The following FBXL17 variants were observed in gnomAD, a reference collection of about 807,000 sequenced individuals.
FBXL17 encodes F-box and leucine rich repeat protein 17, also known as F-box/LRR-repeat protein 17.
Under a neutral mutation model 66.2 loss-of-function variants are expected in FBXL17, and 22 were observed. The ratio of observed to expected loss-of-function variants is 0.33; its 90% CI spans 0.24 to 0.47. The LOEUF (loss-of-function observed/expected upper bound fraction) is 0.47, where lower values mean the gene tolerates loss of function less well. Among genes scored for constraint, FBXL17 ranks in the 20% least tolerant of loss-of-function variants. The pLI is 1.00. For synonymous variants in FBXL17, 474 were observed against 400.5 expected, an observed-to-expected ratio of 1.18 and a Z score of -2.19; for missense variants, 878 against 948.2, an observed-to-expected ratio of 0.93 and a Z score of 0.97.
intron 7 of FBXL17, among the ~76,000 whole-genome samples, chr5:107,922,786 C>T (rs1750368543): frequency 1.3e-5 from 2 of 152,128 alleles, no homozygotes; most frequent in African/African-American, 4.8e-5. Flanking sequence ...TCTCAATTAC[C>T]CAAAAGGCAC....
At chr5:108,302,259 A>T in intron 4 of FBXL17, among the ~76,000 whole-genome samples, 1 of 151,858 alleles carries the variant, frequency 6.6e-6, no homozygotes, top group East Asian at 1.9e-4. Context: ...AAATACTTCC[A>T]TGAATACACC....
At chr5:107,882,619 G>A (rs187165644) in intron 7 of FBXL17, among the ~76,000 whole-genome samples, 1 of 152,226 alleles carries the variant, frequency 6.6e-6, no homozygotes, top group Admixed American at 6.5e-5. Context: ...TGCAGAAATG[G>A]TCTGAATACT....
chr5:107,893,894 G>A (rs997531441), intron 7 of FBXL17, among the ~76,000 whole-genome samples: 1 of 152,138 alleles, frequency 6.6e-6, no homozygotes, highest in East Asian at 1.9e-4. Context: ...CCTCTGTGCC[G>A]AGTAATTAAC....
chr5:108,081,616 G>A lies in FBXL17; in HGVS notation c.1746-60615C>T, dbSNP rs141778347. ...CAGGCGTCTGTAGTCCCAGCTACTC[G>A]GGAGGCTGAGGCAGGAGAATGGCGT... On this transcript the variant is annotated intron_variant, in intron 6 of 8. Transcript: ENST00000542267. Among the ~76,000 whole-genome samples, 382 of 152,156 alleles carry A rather than the reference G, an allele frequency of 2.5e-3. 18 individuals are homozygous for A. In the East Asian group the frequency reaches 0.065, roughly 26 times the overall value.
chr5:108,075,507 G>C (rs902643829), intron 6 of FBXL17, among the ~76,000 whole-genome samples: 1 of 152,016 alleles, frequency 6.6e-6, no homozygotes, highest in South Asian at 2.1e-4. Context: ...ATGGAGTTTC[G>C]CTCTTGTTGC....
chr5:108,033,992 T>G (rs1660347138), intron 6 of FBXL17, among the ~76,000 whole-genome samples: 1 of 152,198 alleles, frequency 6.6e-6, no homozygotes, highest in Admixed American at 6.5e-5. Flanking sequence ...ATATGTGTCA[T>G]ATAATTAATG....
intron 7 of FBXL17, among the ~76,000 whole-genome samples, chr5:107,957,615 T>C (rs894798360): frequency 3.9e-5 from 6 of 152,136 alleles, no homozygotes; most frequent in Non-Finnish European, 8.8e-5. Context: ...CATACTATTT[T>C]TCCAACTAAA....
At position 107,871,091 on chromosome 5, in the gene FBXL17, AAT is replaced by A. The variant is rs541801625; in HGVS notation, c.1966-9233_1966-9232del. On this transcript the variant is annotated intron_variant, in intron 8 of 8. Transcript: ENST00000542267. Reference sequence around the variant, plus strand: ...AAAAAAAAAAAAAACCTCATCTAAAAATCTCAAAGTATACAGTAAGACAGATA... The same window carrying A: ...AAAAAAAAAAAAAACCTCATCTAAAACTCAAAGTATACAGTAAGACAGATA... 9.5e-3 allele frequency among the ~76,000 whole-genome samples: 1,407 copies of A among 147,392 alleles called. 12 individuals carry two copies. Among genetic ancestry groups the A allele is most frequent in the Non-Finnish European group, 0.014 (970 of 66,950 alleles).
At chr5:108,126,633 C>CTCTCTG (rs1389409200) in intron 6 of FBXL17, among the ~76,000 whole-genome samples, 1 of 63,750 alleles carries the variant, frequency 1.6e-5, no homozygotes, top group East Asian at 7.4e-4. Flanking sequence ...GTCTCTCTGT[C>CTCTCTG]TCTCTCTCTC....
chr5:108,025,569 G>A (rs28401752), intron 6 of FBXL17, among the ~76,000 whole-genome samples: 11,805 of 151,894 alleles, frequency 0.078, 1,545 homozygotes, highest in African/African-American at 0.27. Flanking sequence ...TCTATTTGGG[G>A]TTTTAGAAAT....
In FBXL17 at chr5:107,924,164, G is replaced by A. The variant is rs116855743; in HGVS notation, c.1823-42985C>T. Among the ~76,000 whole-genome samples the A allele has an allele frequency of 4.0e-5, 6 of 151,410 alleles. No homozygotes were observed. The East Asian group carries it at 1.2e-3, about 29-fold the overall frequency. On this transcript the variant is annotated intron_variant, in intron 7 of 8. Transcript: ENST00000542267. ...CCTTCTAAATACCTGGGACTACAGG[G>A]GTGAGCCACTACGCCCGACTTTGCA...
chr5:108,219,424 G>A (rs974682191), intron 5 of FBXL17, among the ~76,000 whole-genome samples: 1 of 152,110 alleles, frequency 6.6e-6, no homozygotes, highest in African/African-American at 2.4e-5. Context: ...GGTTGCTCAC[G>A]CCTGTAATCT....
intron 4 of FBXL17, among the ~76,000 whole-genome samples, chr5:108,231,119 C>T (rs893848469): frequency 6.6e-6 from 1 of 152,086 alleles, no homozygotes; most frequent in Non-Finnish European, 1.5e-5. Context: ...AACTAAATGG[C>T]TATGCCATAA....
chr5:108,116,617 C>T (rs566081692), intron 6 of FBXL17, among the ~76,000 whole-genome samples: 13 of 151,822 alleles, frequency 8.6e-5, no homozygotes, highest in African/African-American at 2.7e-4. Context: ...CACTGCACTC[C>T]GGCCTGGCGA....
At chr5:108,062,214 A>G (rs1747950980) in intron 6 of FBXL17, among the ~76,000 whole-genome samples, 1 of 152,036 alleles carries the variant, frequency 6.6e-6, no homozygotes, top group Admixed American at 6.6e-5. Context: ...TACAAGCAGA[A>G]GGTACATTCA....
At chr5:107,953,971 A>G (rs1022549629) in intron 7 of FBXL17, among the ~76,000 whole-genome samples, 2 of 152,206 alleles carry the variant, frequency 1.3e-5, no homozygotes, top group African/African-American at 2.4e-5. Context: ...ACTAAACTCT[A>G]AATTGTTTTG....
At chr5:108,279,938 A>T (rs1202677894) in intron 4 of FBXL17, among the ~76,000 whole-genome samples, 6 of 152,088 alleles carry the variant, frequency 3.9e-5, no homozygotes, top group African/African-American at 4.8e-5. Context: ...GAAAAAAATT[A>T]AAAAAGAATA....
rs560599469 is a variant in FBXL17, at chr5:108,127,169, AAAGT to A, written c.1745+58944_1745+58947del. The stretch of plus-strand genomic sequence containing the variant: ...TTTTCTAAAGCCAGTTTTGTCTAAG[AAAGT>A]AATTATAAATTTGGAAGACACCAAC... On this transcript the variant is annotated intron_variant, in intron 6 of 8. Coordinates refer to ENST00000542267, the MANE Select transcript of FBXL17 (RefSeq NM_001163315.3). Among the ~76,000 whole-genome samples, 37 of 152,330 alleles carry A rather than the reference AAAGT, an allele frequency of 2.4e-4. No individual in the cohort carries two copies. In the East Asian group the frequency reaches 6.0e-3, roughly 25 times the overall value.
intron 7 of FBXL17, among the ~76,000 whole-genome samples, chr5:107,939,412 T>C (rs1355783824): frequency 2.0e-5 from 3 of 152,106 alleles, no homozygotes; most frequent in Non-Finnish European, 4.4e-5. Flanking sequence ...TCTTTCTCAA[T>C]CTTCTTTCTT....
Sources: gnomAD v4.1 joint callset for allele counts (sites outside exome capture counted in the v4.1 genomes callset) on GRCh38, gnomAD v4.1.1 for gene constraint, MANE v1.5 for transcripts, NCBI Gene and HGNC (gene_info 2026-07-23, HGNC 2026-07-21) for gene names.